Variants in CACNB4 observed in about 807,000 individuals in gnomAD.
CACNB4 encodes voltage-dependent L-type calcium channel subunit beta-4.
Under a neutral mutation model 71.2 loss-of-function variants are expected in CACNB4, and 32 were observed. That is an observed-to-expected ratio of 0.45 (90% CI 0.34 to 0.60). The LOEUF is 0.60. CACNB4 is among the 20% of genes least tolerant of loss of function. CACNB4 has a pLI of 0.01. For missense variants in CACNB4, 464 were observed against 647.9 expected (o/e 0.72, Z 3.08); for synonymous variants, 231 against 236.9 (o/e 0.97, Z 0.23).
At chr2:152,026,821 G>T (rs1684003393) in intron 2 of CACNB4, among the ~76,000 whole-genome samples, 1 of 152,096 alleles carries the variant, frequency 6.6e-6, no homozygotes, top group Non-Finnish European at 1.5e-5. Flanking sequence ...TCTTACTGAG[G>T]TCACCAATGG....
chr2:151,893,342 A>C (rs940856039), intron 2 of CACNB4, among the ~76,000 whole-genome samples: 5 of 152,182 alleles, frequency 3.3e-5, no homozygotes, highest in Non-Finnish European at 5.9e-5. Context: ...CCCAGGCTCA[A>C]GCAATTCTCG....
At chr2:152,065,511 A>G (rs904224755) in intron 2 of CACNB4, among the ~76,000 whole-genome samples, 2 of 152,214 alleles carry the variant, frequency 1.3e-5, no homozygotes, top group South Asian at 2.1e-4. Flanking sequence ...TGAGGGAAAG[A>G]AAGAGTGCTG....
At chr2:151,965,998 C>T (rs992874974) in intron 2 of CACNB4, among the ~76,000 whole-genome samples, 4 of 152,190 alleles carry the variant, frequency 2.6e-5, no homozygotes, top group Non-Finnish European at 5.9e-5. Flanking sequence ...ATACCTTACT[C>T]AGTATGTACA....
chr2:152,086,690 G>A (rs983637127), intron 2 of CACNB4, among the ~76,000 whole-genome samples: 2 of 152,148 alleles, frequency 1.3e-5, no homozygotes, highest in Non-Finnish European at 2.9e-5. Flanking sequence ...TATTGAAAAC[G>A]ATGACAATAA....
chr2:152,099,091 G>C, upstream of CACNB4: 2 of 944,802 alleles, frequency 2.1e-6, no homozygotes, highest in Non-Finnish European at 3.1e-6. Flanking sequence ...CGGACGGAGG[G>C]GGAGGGCGCA....
At chr2:152,050,655 G>A (rs1685376510) in intron 2 of CACNB4, among the ~76,000 whole-genome samples, 2 of 152,102 alleles carry the variant, frequency 1.3e-5, no homozygotes, top group South Asian at 4.2e-4. Flanking sequence ...GCTTGAGGCT[G>A]CAGTGAGCCA....
At chr2:151,914,870 T>C (rs2099857061) in intron 2 of CACNB4, among the ~76,000 whole-genome samples, 1 of 152,206 alleles carries the variant, frequency 6.6e-6, no homozygotes, top group South Asian at 2.1e-4. Context: ...CTGGGACCTC[T>C]GACCTCAAGA....
At chr2:151,946,182 A>G (rs1364497654) in intron 2 of CACNB4, among the ~76,000 whole-genome samples, 1 of 152,124 alleles carries the variant, frequency 6.6e-6, no homozygotes, top group Non-Finnish European at 1.5e-5. Context: ...TACAAAAATT[A>G]GCCAGGCATG....
At chr2:151,841,451 G>C (rs2151318616) in intron 13 of CACNB4, among the ~76,000 whole-genome samples, 1 of 151,968 alleles carries the variant, frequency 6.6e-6, no homozygotes, top group East Asian at 1.9e-4. Context: ...TGTGTGGTAT[G>C]TGCCTGTAGT....
chr2:151,964,304 G>A (rs1398424361), intron 2 of CACNB4, among the ~76,000 whole-genome samples: 1 of 152,032 alleles, frequency 6.6e-6, no homozygotes, highest in Non-Finnish European at 1.5e-5. Flanking sequence ...GATCTTATGT[G>A]CATTTTTAAA....
intron 2 of CACNB4, among the ~76,000 whole-genome samples, chr2:151,960,068 AG>A (rs2099869256): frequency 2.0e-5 from 3 of 152,166 alleles, no homozygotes; most frequent in Admixed American, 2.0e-4. Flanking sequence ...AATTTTAAGT[AG>A]ATTATTTTAA....
At chr2:151,908,605 T>C (rs984390997) in intron 2 of CACNB4, among the ~76,000 whole-genome samples, 18 of 152,200 alleles carry the variant, frequency 1.2e-4, no homozygotes, top group Admixed American at 1.0e-3. Context: ...GCAAAAAATC[T>C]GGACCAACTC....
intron 2 of CACNB4, among the ~76,000 whole-genome samples, chr2:151,911,724 T>C (rs1388247871): frequency 1.1e-4 from 16 of 152,170 alleles, no homozygotes; most frequent in Non-Finnish European, 1.6e-4. Context: ...TCTTTTTCAG[T>C]TGTTTGGAAT....
chr2:152,019,893 G>C (rs567029005), intron 2 of CACNB4, among the ~76,000 whole-genome samples: 1 of 152,264 alleles, frequency 6.6e-6, no homozygotes, highest in South Asian at 2.1e-4. Flanking sequence ...TGGGTATATG[G>C]GCAAGTCAGC....
intron 2 of CACNB4, among the ~76,000 whole-genome samples, chr2:152,037,413 G>T (rs1050441890): frequency 6.6e-6 from 1 of 152,282 alleles, no homozygotes; most frequent in African/African-American, 2.4e-5. Context: ...GTCAATCTTT[G>T]CTAAAGAAAT....
chr2:151,903,564 A>G (rs11695363), intron 2 of CACNB4, among the ~76,000 whole-genome samples: 14,347 of 152,230 alleles, frequency 0.094, 906 homozygotes, highest in Middle Eastern at 0.22. Flanking sequence ...ACCGGGAATG[A>G]CACTATTAAA....
chr2:152,039,097 CAT>C (rs1224750914), intron 2 of CACNB4, among the ~76,000 whole-genome samples: 3 of 152,092 alleles, frequency 2.0e-5, no homozygotes, highest in African/African-American at 7.2e-5. Context: ...AAGCAAGAAA[CAT>C]AGTTTTCTGA....
intron 2 of CACNB4, among the ~76,000 whole-genome samples, chr2:151,892,710 A>G (rs2099851024): frequency 1.3e-5 from 2 of 152,222 alleles, no homozygotes; most frequent in African/African-American, 4.8e-5. Context: ...ATGTCTTACC[A>G]GTTTTGTGGT....
At chr2:151,964,741 T>C (rs2099870609) in intron 2 of CACNB4, among the ~76,000 whole-genome samples, 2 of 152,250 alleles carry the variant, frequency 1.3e-5, no homozygotes, top group Admixed American at 6.5e-5. Flanking sequence ...ATTGGCACTC[T>C]AGGAATATGC....
Sources: gnomAD v4.1 joint callset for allele counts (sites outside exome capture counted in the v4.1 genomes callset) on GRCh38, gnomAD v4.1.1 for gene constraint, MANE v1.5 for transcripts, NCBI Gene and HGNC (gene_info 2026-07-23, HGNC 2026-07-21) for gene names.